The following MAML3 variants were observed in gnomAD, a reference collection of about 807,000 sequenced individuals.
MAML3 encodes mastermind-like protein 3.
In MAML3, 27 loss-of-function variants were observed where a neutral mutation model predicts 101.9. That is an observed-to-expected ratio of 0.27 (90% confidence interval 0.20 to 0.37). The LOEUF (loss-of-function observed/expected upper bound fraction) is 0.37, where lower values mean the gene tolerates loss of function less well. MAML3 is among the 10% of genes least tolerant of loss of function. MAML3 has a pLI of 1.00. For synonymous variants in MAML3, 501 were observed against 555.9 expected (o/e 0.90, Z 1.39); for missense variants, 1,316 against 1,444.9 (o/e 0.91, Z 1.45).
chr4:140,060,183 C>T (rs1402989582), intron 1 of MAML3, among the ~76,000 whole-genome samples: 1 of 151,532 alleles, frequency 6.6e-6, no homozygotes, highest in African/African-American at 2.4e-5. Context: ...CTGGTCAACA[C>T]GGTGAAACCC....
intron 1 of MAML3, among the ~76,000 whole-genome samples, chr4:140,006,624 A>G (rs1726455219): frequency 6.7e-6 from 1 of 150,094 alleles, no homozygotes; most frequent in Non-Finnish European, 1.5e-5. Context: ...GAATTAGGAG[A>G]CATTTGAAGA....
At chr4:139,815,816 T>C (rs1232163236) in intron 2 of MAML3, among the ~76,000 whole-genome samples, 4 of 152,200 alleles carry the variant, frequency 2.6e-5, no homozygotes, top group Non-Finnish European at 2.9e-5. Context: ...CCTGGCTCCC[T>C]GCCTTGCCTA....
At chr4:139,926,534 A>G (rs551777295) in intron 1 of MAML3, among the ~76,000 whole-genome samples, 1 of 152,230 alleles carries the variant, frequency 6.6e-6, no homozygotes, top group Non-Finnish European at 1.5e-5. Flanking sequence ...TGGGAGGCGG[A>G]GCTTGCAGTG....
chr4:140,028,506 C>T (rs1329484898), intron 1 of MAML3, among the ~76,000 whole-genome samples: 3 of 152,094 alleles, frequency 2.0e-5, no homozygotes, highest in Non-Finnish European at 4.4e-5. Flanking sequence ...GGAGAGCTAC[C>T]ATATTTTGAG....
chr4:140,124,234 C>T (rs1295656807), intron 1 of MAML3, among the ~76,000 whole-genome samples: 1 of 152,204 alleles, frequency 6.6e-6, no homozygotes, highest in African/African-American at 2.4e-5. Flanking sequence ...ACACTACGCA[C>T]ACTGTCGTGT....
At chr4:139,863,343 C>CTT (rs11439880) in intron 2 of MAML3, among the ~76,000 whole-genome samples, 30,216 of 120,120 alleles carry the variant, frequency 0.25, 4,726 homozygotes, top group East Asian at 0.65. Context: ...TTCCTGTGCC[C>CTT]TTTTTTTTTT....
At chr4:140,099,385 C>CT (rs944314263) in intron 1 of MAML3, among the ~76,000 whole-genome samples, 6 of 152,084 alleles carry the variant, frequency 3.9e-5, no homozygotes, top group East Asian at 1.9e-4. Flanking sequence ...TAGCTATTTT[C>CT]TTTTTTTTCT....
chr4:139,875,635 G>T (rs1732101321), intron 2 of MAML3, among the ~76,000 whole-genome samples: 1 of 152,092 alleles, frequency 6.6e-6, no homozygotes, highest in Non-Finnish European at 1.5e-5. Flanking sequence ...TGGCCCCAGG[G>T]CTGCTCACAA....
chr4:139,872,488 C>G (rs896730768), intron 2 of MAML3, among the ~76,000 whole-genome samples: 1 of 152,110 alleles, frequency 6.6e-6, no homozygotes, highest in Non-Finnish European at 1.5e-5. Flanking sequence ...AGAGCTTTGG[C>G]CCCTGAAATA....
chr4:140,002,722 A>G (rs1326951801), intron 1 of MAML3, among the ~76,000 whole-genome samples: 2 of 152,084 alleles, frequency 1.3e-5, no homozygotes, highest in Non-Finnish European at 2.9e-5. Context: ...CAGAGTCACA[A>G]TATTCTCACA....
chr4:139,918,354 C>T (rs1021818248), intron 1 of MAML3, among the ~76,000 whole-genome samples: 2 of 152,196 alleles, frequency 1.3e-5, no homozygotes, highest in Admixed American at 6.5e-5. Context: ...TCCAGGTGGC[C>T]GCGCTGGCCT....
intron 1 of MAML3, among the ~76,000 whole-genome samples, chr4:140,058,353 A>G (rs1037674373): frequency 6.6e-6 from 1 of 151,924 alleles, no homozygotes; most frequent in Non-Finnish European, 1.5e-5. Context: ...CAGCCTCCCA[A>G]TGTGCTAGGA....
At chr4:139,786,045 T>C (rs1426648733) in intron 2 of MAML3, among the ~76,000 whole-genome samples, 1 of 151,944 alleles carries the variant, frequency 6.6e-6, no homozygotes, top group Non-Finnish European at 1.5e-5. Flanking sequence ...TTAAGTGAAG[T>C]CATTAGGGTA....
rs142932436 is a variant in MAML3, at chr4:140,085,052, A to G, written c.468+67808T>C. Among the ~76,000 whole-genome samples the G allele has an allele frequency of 2.2e-3, 337 of 152,150 alleles. 1 individual carries two copies. Among genetic ancestry groups the G allele is most frequent in the African/African-American group, 7.7e-3 (321 of 41,508 alleles). ...AATGCTCCCCTGAATATCCCCTCTG[A>G]TGCTTCTGGCATCCCAGTATCTGCC... On this transcript the variant is annotated intron_variant, in intron 1 of 4. Transcript: ENST00000509479.
At chr4:140,061,144 T>A (rs911913253) in intron 1 of MAML3, among the ~76,000 whole-genome samples, 3 of 152,206 alleles carry the variant, frequency 2.0e-5, no homozygotes, top group African/African-American at 7.2e-5. Context: ...TCCCTTTATT[T>A]TTCCTGTTCC....
At chr4:140,113,509 G>A (rs1000238491) in intron 1 of MAML3, among the ~76,000 whole-genome samples, 1 of 152,092 alleles carries the variant, frequency 6.6e-6, no homozygotes, top group Admixed American at 6.6e-5. Context: ...CTTCAACGAT[G>A]CCAGTCAGCC....
chr4:139,841,710 C>A (rs891144543), intron 2 of MAML3, among the ~76,000 whole-genome samples: 1 of 152,236 alleles, frequency 6.6e-6, no homozygotes, highest in African/African-American at 2.4e-5. Context: ...CCCCACAAGT[C>A]ACACTTATCA....
At chr4:139,953,562 T>G (rs1186997372) in intron 1 of MAML3, among the ~76,000 whole-genome samples, 1 of 152,090 alleles carries the variant, frequency 6.6e-6, no homozygotes, top group Non-Finnish European at 1.5e-5. Flanking sequence ...GAGGCTACAG[T>G]GAGCTGAGAT....
At chr4:139,864,907 T>C (rs4863693) in intron 2 of MAML3, among the ~76,000 whole-genome samples, 54,875 of 106,794 alleles carry the variant, frequency 0.51, 17,275 homozygotes, top group African/African-American at 0.83. Context: ...TTTAGGAAAA[T>C]AGTAATGCAA....
Sources: gnomAD v4.1 joint callset for allele counts (sites outside exome capture counted in the v4.1 genomes callset) on GRCh38, gnomAD v4.1.1 for gene constraint, MANE v1.5 for transcripts, NCBI Gene and HGNC (gene_info 2026-07-23, HGNC 2026-07-21) for gene names.